Variants in FBXW11 observed in about 807,000 individuals in gnomAD.
The protein encoded by FBXW11 is F-box and WD repeat domain containing 11, also known as F-box/WD repeat-containing protein 11.
FBXW11 carries 19 observed loss-of-function variants against 77.6 expected under a neutral mutation model. The ratio of observed to expected loss-of-function variants is 0.24; its 90% CI spans 0.17 to 0.36. The LOEUF (loss-of-function observed/expected upper bound fraction) is 0.36, where lower values mean the gene tolerates loss of function less well. FBXW11 is among the 10% of genes least tolerant of loss of function. The pLI, the probability that FBXW11 is intolerant of heterozygous loss-of-function variation, is 1.00. For missense variants in FBXW11, 334 were observed against 704.2 expected (o/e 0.47, Z 5.95); for synonymous variants, 235 against 249.4 (o/e 0.94, Z 0.54).
Position 171,878,578 on chromosome 5 carries a change from GTGTGTGTGTGTGTA to G in FBXW11, c.853-463_853-450del, listed in dbSNP as rs1467250089. On this transcript the variant is annotated intron_variant, in intron 7 of 13. Transcript: ENST00000517395. Reference sequence around the variant, plus strand: ...AGTGTGTGAGTGTGTGTGTGTGTGTGTGTGTGTGTGTGTAAGAGAGAGAGAGTGTGTGTGTGTGT... The same window carrying G: ...AGTGTGTGAGTGTGTGTGTGTGTGTGAGAGAGAGAGAGTGTGTGTGTGTGT... Among the ~76,000 whole-genome samples, 388 of 67,950 alleles carry G rather than the reference GTGTGTGTGTGTGTA, an allele frequency of 5.7e-3. 4 individuals are homozygous for G. Among genetic ancestry groups the G allele is most frequent in the Admixed American group, 0.017 (85 of 5,126 alleles). The allele number at this position is 67,950 out of a possible 152,430, so 44.6% of individuals were successfully genotyped here.
At chr5:171,968,286 G>A (rs58188346) in intron 1 of FBXW11, among the ~76,000 whole-genome samples, 7,276 of 151,854 alleles carry the variant, frequency 0.048, 522 homozygotes, top group African/African-American at 0.17. Context: ...GAAACCCCTC[G>A]TCTCTACTAA....
At chr5:171,885,521 CT>C (rs1267980302) in intron 7 of FBXW11, among the ~76,000 whole-genome samples, 3 of 152,198 alleles carry the variant, frequency 2.0e-5, no homozygotes, top group African/African-American at 7.2e-5. Context: ...TGTGACCTCA[CT>C]TCTCTTATGA....
In FBXW11 at chr5:171,869,921, G is replaced by T; in HGVS notation, c.1452-114C>A. ...ACTGCCTATTTATAAAAGCTAATGG[G>T]GAACATGCTTATGTTTTTACAAATC... On this transcript the variant is annotated intron_variant, in intron 11 of 13. Coordinates refer to ENST00000517395, the MANE Select transcript of FBXW11 (RefSeq NM_001378974.1). This position sits in a 1 kb window ranked among gnomAD's most constrained non-coding sequence, Gnocchi z 4.1. 1.9e-6 allele frequency: 1 copy of T among 525,792 alleles called. No individual in the cohort carries two copies. 32.6% of individuals were successfully genotyped at this position (525,792 alleles called of 1,614,324 possible).
chr5:171,937,329 G>A (rs1320291013), intron 2 of FBXW11, among the ~76,000 whole-genome samples: 4 of 152,150 alleles, frequency 2.6e-5, no homozygotes, highest in Non-Finnish European at 5.9e-5. Flanking sequence ...CTACTGAAAA[G>A]CAAGATACTT....
At chr5:171,872,259 G>A (rs1435222560) in intron 10 of FBXW11, among the ~76,000 whole-genome samples, 2 of 151,980 alleles carry the variant, frequency 1.3e-5, no homozygotes, top group Non-Finnish European at 2.9e-5. Context: ...TCTTTATTTT[G>A]ACCAAACATT....
At chr5:171,944,443 C>T (rs1157461052) in intron 2 of FBXW11, among the ~76,000 whole-genome samples, 6 of 151,474 alleles carry the variant, frequency 4.0e-5, no homozygotes, top group Non-Finnish European at 2.9e-5. Flanking sequence ...GACGAGGTGG[C>T]GGGCGCCTGT....
At chr5:171,903,265 T>G (rs1313429654) in intron 4 of FBXW11, among the ~76,000 whole-genome samples, 1 of 151,844 alleles carries the variant, frequency 6.6e-6, no homozygotes, top group Non-Finnish European at 1.5e-5. Flanking sequence ...CCCAGCTAAT[T>G]TTTTTTTATC....
At chr5:171,985,349 T>TA (rs1765376294) in intron 1 of FBXW11, among the ~76,000 whole-genome samples, 1 of 152,024 alleles carries the variant, frequency 6.6e-6, no homozygotes, top group South Asian at 2.1e-4. Flanking sequence ...CTCAAAAACT[T>TA]ACATGTGGCT....
At chr5:171,967,685 CA>C (rs1193072783) in intron 1 of FBXW11, among the ~76,000 whole-genome samples, 3 of 151,648 alleles carry the variant, frequency 2.0e-5, no homozygotes, top group Admixed American at 2.0e-4. Context: ...ACTAAAAATA[CA>C]AAATTAGCTG....
chr5:171,952,455 T>A (rs796710829), intron 2 of FBXW11, among the ~76,000 whole-genome samples: 262 of 21,116 alleles, frequency 0.012, 7 homozygotes, highest in South Asian at 0.027. Flanking sequence ...ATATTTTTTT[T>A]TTTTTTTTTT....
intron 7 of FBXW11, among the ~76,000 whole-genome samples, chr5:171,880,683 G>C (rs1758438790): frequency 1.3e-5 from 2 of 152,134 alleles, no homozygotes. Context: ...ATTGGTGGGG[G>C]AGGTGCTAAT....
chr5:171,940,500 G>A (rs942079351), intron 2 of FBXW11, among the ~76,000 whole-genome samples: 3 of 152,136 alleles, frequency 2.0e-5, no homozygotes, highest in Non-Finnish European at 4.4e-5. Context: ...GAAATGGCTG[G>A]TTCCAAGGCT....
chr5:171,913,838 C>CACACAT (rs1561677822), intron 3 of FBXW11, among the ~76,000 whole-genome samples: 1 of 63,822 alleles, frequency 1.6e-5, no homozygotes, highest in Non-Finnish European at 3.0e-5. Flanking sequence ...CACACACACA[C>CACACAT]ACACACACAC....
At chr5:171,955,103 A>G (rs970828010) in intron 2 of FBXW11, among the ~76,000 whole-genome samples, 1 of 152,250 alleles carries the variant, frequency 6.6e-6, no homozygotes, top group African/African-American at 2.4e-5. Context: ...GTTGGTAATG[A>G]GTGATTTTTA....
In FBXW11 at chr5:171,910,817, A is replaced by C. The variant is rs1456612303; in HGVS notation, c.211-20T>G. On this transcript the variant is annotated intron_variant, in intron 3 of 13. Coordinates refer to ENST00000517395, the MANE Select transcript of FBXW11 (RefSeq NM_001378974.1). ...ACTTATCTATTTTAGAAAAACAAAAAAAAAATTAGTTTAACAAGGAAAGAA... is the reference window on the plus strand; with the variant it reads ...ACTTATCTATTTTAGAAAAACAAAACAAAAATTAGTTTAACAAGGAAAGAA... 5 of 1,485,624 alleles carry C rather than the reference A, an allele frequency of 3.4e-6. No homozygotes were observed. Among genetic ancestry groups the C allele is most frequent in the Non-Finnish European group, 4.5e-6 (5 of 1,105,222 alleles). 92.0% of individuals were successfully genotyped at this position (1,485,624 alleles called of 1,614,324 possible).
chr5:171,922,894 A>G (rs1761671865), intron 2 of FBXW11, among the ~76,000 whole-genome samples: 1 of 151,914 alleles, frequency 6.6e-6, no homozygotes, highest in South Asian at 2.1e-4. Flanking sequence ...GTCATCACCA[A>G]TCGTGTGTGT....
chr5:171,981,475 C>T (rs1024085763), intron 1 of FBXW11, among the ~76,000 whole-genome samples: 1 of 152,114 alleles, frequency 6.6e-6, no homozygotes, highest in Non-Finnish European at 1.5e-5. Context: ...GTGACTGGCA[C>T]CTTAAGTGGG....
At chr5:171,980,557 G>A (rs554302844) in intron 1 of FBXW11, among the ~76,000 whole-genome samples, 1 of 152,214 alleles carries the variant, frequency 6.6e-6, no homozygotes, top group Non-Finnish European at 1.5e-5. Context: ...AGTCAAAAAA[G>A]GCGTATCTCT....
At chr5:171,865,854 T>C (rs1388779593) in intron 13 of FBXW11, among the ~76,000 whole-genome samples, 1 of 152,242 alleles carries the variant, frequency 6.6e-6, no homozygotes, top group Non-Finnish European at 1.5e-5. Context: ...TCTCACCTGA[T>C]ATTTTACGGG....
Sources: allele counts gnomAD v4.1 joint callset (sites outside exome capture counted in the v4.1 genomes callset), GRCh38; gene constraint gnomAD v4.1.1; non-coding constraint Gnocchi (gnomAD v3.1); transcripts MANE v1.5; gene names NCBI Gene and HGNC (gene_info 2026-07-23, HGNC 2026-07-21).